The following HDLBP variants were observed in gnomAD, a reference collection of about 807,000 sequenced individuals.
HDLBP encodes the protein high density lipoprotein binding protein.
In HDLBP, 30 loss-of-function variants were observed where a neutral mutation model predicts 137.3. The observed-to-expected ratio is 0.22, with a 90% CI of 0.16 to 0.30. The LOEUF (loss-of-function observed/expected upper bound fraction) is 0.30. Among genes scored for constraint, HDLBP ranks in the 10% least tolerant of loss-of-function variants. The probability of loss-of-function intolerance (pLI) is 1.00; values close to 1 mark genes in which losing one functional copy is unlikely to be tolerated. For missense variants in HDLBP, 1,119 were observed against 1,667.3 expected (o/e 0.67, Z 5.73); for synonymous variants, 606 against 596.0 (o/e 1.02, Z -0.24).
In HDLBP at chr2:241,240,105, A is replaced by G. The variant is rs113425118; in HGVS notation, c.2187T>C (p.Thr729=). 406 of 1,614,172 alleles carry G rather than the reference A, an allele frequency of 2.5e-4. 3 individuals carry two copies. The African/African-American group carries it at 4.2e-3, about 17-fold the overall frequency. The change falls in exon 18 of 28, where the codon ACT becomes ACC. Residue 729 remains threonine, a synonymous_variant. Transcript: ENST00000310931. The surrounding 1 kb of genome is among the most constrained non-coding windows in gnomAD (Gnocchi z 5.5). The stretch of plus-strand genomic sequence containing the variant: ...ATTCTGGCTTGGCGCGGATGTCAAC[A>G]GTGAAACTCTTGGTTTGCTGCAGAA... ...LAEEKQTKSF[T]VDIRAKPEYH...
At chr2:241,271,226 G>A in intron 1 of HDLBP, 3 of 702,924 alleles carry the variant, frequency 4.3e-6, no homozygotes, top group Non-Finnish European at 5.2e-6. Flanking sequence ...AGGAAGCTCG[G>A]ATCAATCAGT....
Position 241,230,255 on chromosome 2 carries a change from G to A in HDLBP, c.3489C>T (p.Phe1163=). Reference sequence around the variant, plus strand: ...TGGGGTCTGGGGCTCCGCTCTGTGGGAAGCGAATGTCCACCTGGAAGGGGT... The same window carrying A: ...TGGGGTCTGGGGCTCCGCTCTGTGGAAAGCGAATGTCCACCTGGAAGGGGT... ...IMDEFKVDIR[F]PQSGAPDPNC... is the part of the protein sequence containing the mutation. Residue 1163 remains phenylalanine (F), a synonymous_variant, in exon 26 of 28, where the codon TTC becomes TTT. Coordinates refer to ENST00000310931, the MANE Select transcript of HDLBP (RefSeq NM_005336.6). This position sits in a 1 kb window ranked among gnomAD's most constrained non-coding sequence, Gnocchi z 5.0. The A allele has an allele frequency of 1.3e-6, 2 of 1,590,122 alleles. No individual in the cohort carries two copies. Among genetic ancestry groups the A allele is most frequent in the Non-Finnish European group, 1.7e-6 (2 of 1,162,442 alleles).
chr2:241,268,445 G>A (rs1326459704), intron 2 of HDLBP, 32 bp downstream of exon 2: 2 of 985,724 alleles, frequency 2.0e-6, no homozygotes, highest in African/African-American at 3.5e-5. Context: ...ACAGCCCAGG[G>A]ACAGGAAGTC....
At chr2:241,241,957 C>T (rs1171036794) in intron 17 of HDLBP, among the ~76,000 whole-genome samples, 2 of 152,170 alleles carry the variant, frequency 1.3e-5, no homozygotes, top group Admixed American at 1.3e-4. Context: ...ACAGGCTGAT[C>T]AGCAAGGGGT....
intron 1 of HDLBP, among the ~76,000 whole-genome samples, chr2:241,284,972 C>T (rs772334774): frequency 6.6e-6 from 1 of 152,218 alleles, no homozygotes; most frequent in Non-Finnish European, 1.5e-5. Flanking sequence ...CCTCCACCTC[C>T]CGGGTTCAAG....
intron 16 of HDLBP, 189 bp downstream of exon 16, chr2:241,246,559 GGTAA>G (rs1574903855): frequency 1.7e-6 from 1 of 588,854 alleles, no homozygotes; most frequent in Non-Finnish European, 3.0e-6. Flanking sequence ...GCAGGGTCCA[GGTAA>G]GTAAGTATCG....
chr2:241,288,153 C>G (rs944971070), intron 1 of HDLBP, among the ~76,000 whole-genome samples: 5 of 152,216 alleles, frequency 3.3e-5, no homozygotes, highest in Non-Finnish European at 5.9e-5. Flanking sequence ...CCAGGTACTA[C>G]AAATCAGTGA....
intron 3 of HDLBP, 150 bp downstream of exon 3, chr2:241,266,644 G>A: frequency 1.6e-6 from 1 of 633,522 alleles, no homozygotes; most frequent in South Asian, 1.9e-5. Context: ...GCACAGCAAT[G>A]CGAAAACAGT....
intron 1 of HDLBP, 173 bp from the exon 2 acceptor site, chr2:241,268,714 T>C (rs933419328): frequency 5.1e-5 from 8 of 156,532 alleles, no homozygotes; most frequent in Non-Finnish European, 9.7e-5. Context: ...AAAAAAACGT[T>C]AGCTTGAAAC....
rs1237033941 is a variant in HDLBP at position 241,272,314 on chromosome 2, C to T, written c.-102-3773G>A. 1.5e-5 allele frequency: 15 copies of T among 983,790 alleles called. No individual in the cohort carries two copies. In the East Asian group the frequency reaches 5.7e-4, roughly 38 times the overall value. The allele number at this position is 983,790 out of a possible 1,614,324, so 60.9% of individuals were successfully genotyped here. A position where few individuals can be genotyped will look rare whatever the true frequency, so the allele number is the denominator to read the frequency against. On this transcript the variant is annotated intron_variant, in intron 1 of 27. Transcript: ENST00000310931. This position sits in a 1 kb window ranked among gnomAD's most constrained non-coding sequence, Gnocchi z 5.6. ...CCCACCCTGGCCGCACACGGCGCCC[C>T]CGCCGGAGCGGGGGAGGGGAGGGCC... is the stretch of plus-strand genomic sequence containing the variant.
rs187635424 is a variant in HDLBP, at chr2:241,229,488, G to C, written c.*113C>G. 1.5e-5 allele frequency: 12 copies of C among 774,836 alleles called. No homozygotes were observed. Among genetic ancestry groups the C allele is most frequent in the Non-Finnish European group, 2.3e-5 (11 of 470,848 alleles). The allele number at this position is 774,836 out of a possible 1,614,324, so 48.0% of individuals were successfully genotyped here. On this transcript the variant is annotated 3_prime_UTR_variant, in exon 28 of 28. Coordinates refer to ENST00000310931, the MANE Select transcript of HDLBP (RefSeq NM_005336.6). ...GCTCCCTGCGGGACCTCGGGAAGGG[G>C]GAAGAGCGTCAACAATTTACGGAGG...
chr2:241,254,996 A>G, intron 9 of HDLBP, 55 bp downstream of exon 9: 2 of 1,336,066 alleles, frequency 1.5e-6, no homozygotes, highest in South Asian at 1.2e-5. Flanking sequence ...TATCAGAAAC[A>G]GAAAGACAGA....
At chr2:241,261,194 C>A (rs76629888) in intron 5 of HDLBP, among the ~76,000 whole-genome samples, 758 of 106,396 alleles carry the variant, frequency 7.1e-3, no homozygotes, top group South Asian at 8.5e-3. Flanking sequence ...GATCCTGTCT[C>A]AAAAAAAAAA....
intron 1 of HDLBP, among the ~76,000 whole-genome samples, chr2:241,314,418 C>G (rs1158948608): frequency 6.6e-6 from 1 of 152,118 alleles, no homozygotes; most frequent in South Asian, 2.1e-4. Flanking sequence ...AGGAAGTTAG[C>G]TGCTAAGAAA....
chr2:241,306,738 T>C (rs190794733), intron 1 of HDLBP, among the ~76,000 whole-genome samples: 613 of 151,612 alleles, frequency 4.0e-3, no homozygotes, highest in Non-Finnish European at 6.1e-3. Context: ...CAAAACCCTA[T>C]CTCTACTATT....
In HDLBP at chr2:241,248,430, C is replaced by T. The variant is rs1183347628; in HGVS notation, c.1513-82G>A. 9 of 1,142,924 alleles carry T rather than the reference C, an allele frequency of 7.9e-6. No individual in the cohort carries two copies. The African/African-American group carries it at 9.1e-5, about 12-fold the overall frequency. 70.8% of individuals were successfully genotyped at this position (1,142,924 alleles called of 1,614,324 possible). A position where few individuals can be genotyped will look rare whatever the true frequency, so the allele number is the denominator to read the frequency against. ...ACTGACACAAGGGGACACCAGGGAG[C>T]CCTGGGCACAGTCCTTCATGGAGCA... On this transcript the variant is annotated intron_variant, in intron 12 of 27. Transcript: ENST00000310931.
intron 4 of HDLBP, among the ~76,000 whole-genome samples, chr2:241,263,536 A>G (rs2149524067): frequency 6.6e-6 from 1 of 152,324 alleles, no homozygotes; most frequent in Admixed American, 6.5e-5. Context: ...ACAGTCACCA[A>G]GTAGACAGTG....
At position 241,277,776 on chromosome 2, in the gene HDLBP, A is replaced by G. The variant is rs541579117; in HGVS notation, c.-102-9235T>C. 5.9e-5 allele frequency among the ~76,000 whole-genome samples: 9 copies of G among 152,196 alleles called. No individual in the cohort carries two copies. In the East Asian group the frequency reaches 7.7e-4, roughly 13 times the overall value. The stretch of plus-strand genomic sequence containing the variant: ...TGGGAGTTCGAGACCAGCCTGACCA[A>G]CATGATGAAACCCTATCTCTACTAA... On this transcript the variant is annotated intron_variant, in intron 1 of 27. Coordinates refer to ENST00000310931, the MANE Select transcript of HDLBP (RefSeq NM_005336.6).
chr2:241,249,469 T>G (rs922448912), intron 12 of HDLBP: 2 of 489,040 alleles, frequency 4.1e-6, no homozygotes, highest in African/African-American at 3.9e-5. Flanking sequence ...ACTTCAGGTT[T>G]GCAGTGATCC....
Sources: gnomAD v4.1 joint callset for allele counts (sites outside exome capture counted in the v4.1 genomes callset) on GRCh38, gnomAD v4.1.1 for gene constraint, Gnocchi (gnomAD v3.1) non-coding constraint, MANE v1.5 for transcripts, NCBI Gene and HGNC (gene_info 2026-07-23, HGNC 2026-07-21) for gene names.